The following EML6 variants were observed in gnomAD, a reference collection of about 807,000 sequenced individuals.
The protein encoded by EML6 is echinoderm microtubule-associated protein-like 6.
A neutral mutation model predicts 240.1 loss-of-function variants in EML6; 154 were observed. The observed-to-expected ratio is 0.64, with a 90% CI of 0.56 to 0.73. EML6 has a LOEUF of 0.73. Ranked by LOEUF, EML6 falls within the 30% of genes least tolerant of loss-of-function variation. The pLI is 0.00. For missense variants in EML6, 2,964 were observed against 2,474.6 expected, an observed-to-expected ratio of 1.20 and a Z score of -4.20; for synonymous variants, 1,148 against 899.0, an observed-to-expected ratio of 1.28 and a Z score of -4.95.
chr2:54,905,372 A>T (rs1673272821), intron 24 of EML6, among the ~76,000 whole-genome samples: 1 of 131,344 alleles, frequency 7.6e-6, no homozygotes, highest in African/African-American at 2.9e-5. Context: ...ACACACACAC[A>T]CACACAAAAT....
At chr2:54,894,503 C>G (rs921749623) in intron 19 of EML6, among the ~76,000 whole-genome samples, 5 of 152,066 alleles carry the variant, frequency 3.3e-5, no homozygotes, top group Admixed American at 2.6e-4. Context: ...AAATGTTTAA[C>G]AATAATTTTA....
chr2:54,916,958 T>C, intron 26 of EML6, 23 bp downstream of exon 26: 2 of 1,508,086 alleles, frequency 1.3e-6, no homozygotes, highest in Non-Finnish European at 1.8e-6. Flanking sequence ...GTTTATTATC[T>C]TTACTTGCTC....
chr2:54,796,556 A>G (rs1257476633), intron 2 of EML6, among the ~76,000 whole-genome samples: 2 of 151,882 alleles, frequency 1.3e-5, no homozygotes, highest in African/African-American at 2.4e-5. Flanking sequence ...TACTATCTTA[A>G]AGGAACACTT....
chr2:54,775,526 C>T (rs1431598265), intron 2 of EML6, among the ~76,000 whole-genome samples: 1 of 152,206 alleles, frequency 6.6e-6, no homozygotes, highest in Admixed American at 6.5e-5. Flanking sequence ...TATAAAATTG[C>T]ACCTCTTGTC....
rs374667704 is a variant in EML6 at position 54,742,290 on chromosome 2, C to G, written c.197+17032C>G. On this transcript the variant is annotated intron_variant, in intron 2 of 41. Transcript: ENST00000356458. ...TTTCCCCGACTTTCCTACCTTTGGT[C>G]CCATCACCCATACTCCTTGCAGTAA... Among the ~76,000 whole-genome samples, 122 of 152,294 alleles carry G rather than the reference C, an allele frequency of 8.0e-4. 2 individuals are homozygous for G. In the South Asian group the frequency reaches 0.024, roughly 30 times the overall value.
chr2:54,963,568 C>G (rs1340219610), intron 36 of EML6, among the ~76,000 whole-genome samples: 1 of 152,210 alleles, frequency 6.6e-6, no homozygotes, highest in Non-Finnish European at 1.5e-5. Context: ...CACACTCTTT[C>G]CCCTAAAGAA....
Position 54,871,009 on chromosome 2 carries a change from C to T in EML6, c.2239-491C>T, listed in dbSNP as rs541771443. Among the ~76,000 whole-genome samples, 5 of 152,098 alleles carry T rather than the reference C, an allele frequency of 3.3e-5. No individual in the cohort carries two copies. The South Asian group carries it at 1.0e-3, about 32-fold the overall frequency. ...AGCTTGTATCCCTGCAAAGATAATC[C>T]ACCTTACTGAAAGATAGTTATGCCA... On this transcript the variant is annotated intron_variant, in intron 15 of 41. Coordinates refer to ENST00000356458, the MANE Select transcript of EML6 (RefSeq NM_001039753.4).
chr2:54,818,769 T>C (rs1190936219), intron 4 of EML6, among the ~76,000 whole-genome samples: 1 of 152,174 alleles, frequency 6.6e-6, no homozygotes, highest in Non-Finnish European at 1.5e-5. Flanking sequence ...TCTGTAATCT[T>C]AGGATGTTTT....
At chr2:54,879,783 T>C (rs904435168) in intron 17 of EML6, 143 bp downstream of exon 17, 5 of 632,118 alleles carry the variant, frequency 7.9e-6, no homozygotes, top group African/African-American at 1.8e-5. Flanking sequence ...GAAAAAATAC[T>C]GCAGTATTTC....
chr2:54,887,830 C>A (rs1015229855), intron 17 of EML6, among the ~76,000 whole-genome samples: 1 of 152,162 alleles, frequency 6.6e-6, no homozygotes, highest in Non-Finnish European at 1.5e-5. Flanking sequence ...TTACCTCCTG[C>A]CTCCTCATAT....
At chr2:54,818,704 A>G (rs1668190312) in intron 4 of EML6, among the ~76,000 whole-genome samples, 2 of 152,202 alleles carry the variant, frequency 1.3e-5, no homozygotes, top group African/African-American at 4.8e-5. Context: ...TTGCTGTGCT[A>G]CCGCTTGCCA....
chr2:54,743,268 A>G (rs917030718), intron 2 of EML6, among the ~76,000 whole-genome samples: 4 of 152,200 alleles, frequency 2.6e-5, no homozygotes, highest in African/African-American at 9.7e-5. Context: ...TTCACTGAAC[A>G]TGCACATCTT....
intron 2 of EML6, among the ~76,000 whole-genome samples, chr2:54,747,953 CTA>C (rs1404232447): frequency 6.6e-6 from 1 of 152,030 alleles, no homozygotes; most frequent in Non-Finnish European, 1.5e-5. Context: ...ATTACTTATC[CTA>C]ATTTTGTGCT....
chr2:54,899,232 C>T (rs1162037162), intron 21 of EML6, among the ~76,000 whole-genome samples: 1 of 152,174 alleles, frequency 6.6e-6, no homozygotes, highest in Non-Finnish European at 1.5e-5. Flanking sequence ...TATGATTTAA[C>T]TGAAGGAAGT....
chr2:54,958,101 G>T (rs570571765), intron 33 of EML6, 103 bp downstream of exon 33: 1 of 1,012,160 alleles, frequency 9.9e-7, no homozygotes, highest in Non-Finnish European at 1.4e-6. Context: ...GAAAACAGCA[G>T]GAAAGCCATT....
chr2:54,865,331 A>AAC (rs1368098341), intron 13 of EML6, among the ~76,000 whole-genome samples: 1 of 151,414 alleles, frequency 6.6e-6, no homozygotes, highest in African/African-American at 2.4e-5. Context: ...CAAAAAAAAA[A>AAC]AAAAACTGCT....
chr2:54,928,358 G>A lies in EML6; in HGVS notation c.3721G>A (p.Val1241Ile), dbSNP rs1393286115. The A allele has an allele frequency of 6.4e-7, 1 of 1,551,974 alleles. No individual in the cohort carries two copies. Among genetic ancestry groups the A allele is most frequent in the East Asian group, 2.4e-5 (1 of 40,916 alleles). The change falls in exon 27 of 42, where the codon GTC (valine) becomes ATC (isoleucine). Residue 1241 changes from valine to isoleucine, a missense_variant. By Grantham distance (29) the Val-to-Ile change is conservative. Transcript: ENST00000356458. The part of the protein sequence containing the change: ...FKKYVGHSAH[V>I]TNVRWLHNDS... The stretch of plus-strand genomic sequence containing the variant: ...GAAGTATGTGGGGCACAGTGCACAT[G>A]TCACTAACGTGAGGTGGCTGCACAA...
chr2:54,786,048 C>CCACCCA (rs1669068327), intron 2 of EML6, among the ~76,000 whole-genome samples: 1 of 151,610 alleles, frequency 6.6e-6, no homozygotes, highest in Non-Finnish European at 1.5e-5. Context: ...AGAGGTGGAG[C>CCACCCA]GGCCACCCAG....
chr2:54,936,131 G>A (rs746519371), intron 28 of EML6, among the ~76,000 whole-genome samples: 6 of 152,100 alleles, frequency 3.9e-5, no homozygotes, highest in Non-Finnish European at 8.8e-5. Flanking sequence ...TTATAACTAC[G>A]GAAATATTTA....
Sources: gnomAD v4.1 joint callset for allele counts (sites outside exome capture counted in the v4.1 genomes callset) on GRCh38, gnomAD v4.1.1 for gene constraint, MANE v1.5 for transcripts, NCBI Gene and HGNC (gene_info 2026-07-23, HGNC 2026-07-21) for gene names.